Variants in ANAPC4 observed in about 807,000 individuals in gnomAD.
ANAPC4 encodes the protein anaphase promoting complex subunit 4, also known as anaphase-promoting complex subunit 4.
Under a neutral mutation model 119.8 loss-of-function variants are expected in ANAPC4, and 63 were observed. The ratio of observed to expected loss-of-function variants is 0.53; its 90% CI spans 0.43 to 0.65. The LOEUF (loss-of-function observed/expected upper bound fraction) is 0.65. Ranked by LOEUF, ANAPC4 falls within the 30% of genes least tolerant of loss-of-function variation. ANAPC4 has a pLI of 0.00. For missense variants in ANAPC4, 716 were observed against 945.1 expected (o/e 0.76, Z 3.18); for synonymous variants, 283 against 318.6 (o/e 0.89, Z 1.19).
rs1358911220 is a variant in ANAPC4 at position 25,390,932 on chromosome 4, TTA to T, written c.624_625del (p.Cys209PhefsTer4). The T allele has an allele frequency of 1.2e-6, 2 of 1,613,622 alleles. No homozygotes were observed. Among genetic ancestry groups the T allele is most frequent in the Non-Finnish European group, 8.5e-7 (1 of 1,179,618 alleles). ...VTGIAGTCLA[L>X]CLSSDLKSLS... is the part of the protein sequence containing the mutation. The stretch of plus-strand genomic sequence containing the variant: ...ACAGATTGCTGGTACTTGTCTTGCA[TTA>T]TGTTTATCAAGTGATTTGAAATCAT... On this transcript the variant is annotated frameshift_variant, in exon 9 of 29. Transcript: ENST00000315368. LOFTEE classifies it high-confidence loss of function.
chr4:25,410,071 A>AG (rs1395439452), intron 21 of ANAPC4, among the ~76,000 whole-genome samples: 1 of 152,206 alleles, frequency 6.6e-6, no homozygotes, highest in East Asian at 1.9e-4. Context: ...TAGGATTTTG[A>AG]GGGAAACTAT....
Position 25,377,345 on chromosome 4 carries a change from G to A in ANAPC4, c.-11+1G>A. Reference sequence around the variant, plus strand: ...AGTCTGCCGGTGGGGACTCTTGCAGGTACAGGCGCGGTCGGGGCTCCTCGT... The same window carrying A: ...AGTCTGCCGGTGGGGACTCTTGCAGATACAGGCGCGGTCGGGGCTCCTCGT... On this transcript the variant is annotated splice_donor_variant, in intron 1 of 28. Transcript: ENST00000315368. LOFTEE classifies it low-confidence loss of function (5UTR_SPLICE). The A allele has an allele frequency of 7.6e-6, 12 of 1,569,238 alleles. No individual in the cohort carries two copies. The highest frequency in any genetic ancestry group is 1.0e-5 in the Non-Finnish European group (12 of 1,157,590).
At chr4:25,401,014 A>G (rs1435554699) in intron 16 of ANAPC4, among the ~76,000 whole-genome samples, 1 of 152,012 alleles carries the variant, frequency 6.6e-6, no homozygotes, top group African/African-American at 2.4e-5. Context: ...ATTCTCTTCA[A>G]TTTCTTATTA....
At chr4:25,393,616 G>A (rs1476662992) in intron 10 of ANAPC4, among the ~76,000 whole-genome samples, 189 bp from the exon 11 acceptor site, 2 of 152,100 alleles carry the variant, frequency 1.3e-5, no homozygotes, top group Non-Finnish European at 2.9e-5. Flanking sequence ...GAGCCAAGAT[G>A]GCGTCACTGC....
intron 9 of ANAPC4, among the ~76,000 whole-genome samples, chr4:25,391,866 G>A (rs936173212): frequency 6.6e-6 from 1 of 152,216 alleles, no homozygotes; most frequent in Non-Finnish European, 1.5e-5. Flanking sequence ...TTAAGGTTAT[G>A]TGAAACTATG....
chr4:25,399,896 C>A (rs1465949138), intron 16 of ANAPC4, among the ~76,000 whole-genome samples: 1 of 152,150 alleles, frequency 6.6e-6, no homozygotes. Context: ...AGAGACAGAA[C>A]AACCAGAGGA....
chr4:25,407,245 G>A lies in ANAPC4; in HGVS notation c.1423G>A (p.Val475Ile), dbSNP rs1260646143. ...AGGAAAATACTTTAACGTTGAAAGAGTTGGTCAGGTATGGGCTTTGAACTC... is the reference window on the plus strand; with the variant it reads ...AGGAAAATACTTTAACGTTGAAAGAATTGGTCAGGTATGGGCTTTGAACTC... ...RKGKYFNVER[V>I]GQYLKDEDDD... The change falls in exon 20 of 29, where the codon GTT (valine) becomes ATT (isoleucine). Residue 475 changes from valine (V) to isoleucine (I), a missense_variant. Physicochemically the swap from Val to Ile is conservative, Grantham distance 29. Coordinates refer to ENST00000315368, the MANE Select transcript of ANAPC4 (RefSeq NM_013367.3). The A allele has an allele frequency of 1.2e-6, 2 of 1,608,344 alleles. No homozygotes were observed. The highest frequency in any genetic ancestry group is 1.7e-6 in the Non-Finnish European group (2 of 1,178,094).
chr4:25,391,831 T>C (rs945994543), intron 9 of ANAPC4, among the ~76,000 whole-genome samples: 2 of 152,254 alleles, frequency 1.3e-5, no homozygotes, highest in African/African-American at 4.8e-5. Context: ...ACTATGGTAA[T>C]GGTTGTTCAT....
At chr4:25,409,587 C>G in intron 20 of ANAPC4, 111 bp from the exon 21 acceptor site, 2 of 725,492 alleles carry the variant, frequency 2.8e-6, no homozygotes, top group Non-Finnish European at 4.5e-6. Flanking sequence ...ATTTTAGGCC[C>G]TAAGTCTTTG....
chr4:25,387,079 A>G (rs1322295315), intron 4 of ANAPC4, among the ~76,000 whole-genome samples: 2 of 152,090 alleles, frequency 1.3e-5, no homozygotes, highest in African/African-American at 4.8e-5. Flanking sequence ...AGTATGAAAA[A>G]TGCTAAGTTG....
intron 21 of ANAPC4, among the ~76,000 whole-genome samples, chr4:25,410,630 G>A (rs192881989): frequency 5.3e-5 from 8 of 152,266 alleles, no homozygotes; most frequent in Non-Finnish European, 1.2e-4. Flanking sequence ...TAGACTGGCA[G>A]TACAGGTTGA....
rs1722551357 is a variant in ANAPC4 at position 25,394,851 on chromosome 4, C to T, written c.1007C>T (p.Ser336Phe). The T allele has an allele frequency of 2.5e-6, 4 of 1,613,168 alleles. No individual in the cohort carries two copies. Among genetic ancestry groups the T allele is most frequent in the Non-Finnish European group, 3.4e-6 (4 of 1,179,690 alleles). ...TVKGLKKLGQ[S>F]IESSYSSIQK... is the part of the protein sequence containing the mutation. ...TAGGGCTTGAAAAAGCTTGGCCAGT[C>T]TATAGAGTCATCATACTCCAGTATA... The change falls in exon 14 of 29, where the codon TCT becomes TTT. Residue 336 changes from serine (S) to phenylalanine (F), a missense_variant. By Grantham distance (155) the Ser-to-Phe change is radical. Coordinates refer to ENST00000315368, the MANE Select transcript of ANAPC4 (RefSeq NM_013367.3).
chr4:25,407,608 G>GA (rs1047936279), intron 20 of ANAPC4, among the ~76,000 whole-genome samples: 16 of 143,802 alleles, frequency 1.1e-4, no homozygotes, highest in Admixed American at 4.8e-4. Flanking sequence ...TCTCAAAAAA[G>GA]AAAAAAAAAA....
chr4:25,395,326 C>G (rs1323956600), intron 14 of ANAPC4: 1 of 153,354 alleles, frequency 6.5e-6, no homozygotes, highest in African/African-American at 2.4e-5. Flanking sequence ...ATATGGCTGG[C>G]CCAAAGTTAC....
rs145426577 is a variant in ANAPC4 at position 25,381,431 on chromosome 4, C to T, written c.235+952C>T. On this transcript the variant is annotated intron_variant, in intron 3 of 28. Coordinates refer to ENST00000315368, the MANE Select transcript of ANAPC4 (RefSeq NM_013367.3). ...GTTCAAGCAATTCTTCTCCCTCAGCCTCCTGAGTAACTAAGACTACAGGCG... is the reference window on the plus strand; with the variant it reads ...GTTCAAGCAATTCTTCTCCCTCAGCTTCCTGAGTAACTAAGACTACAGGCG... Among the ~76,000 whole-genome samples the T allele has an allele frequency of 8.2e-3, 1,255 of 152,224 alleles. 21 individuals are homozygous for T. The highest frequency in any genetic ancestry group is 0.027 in the African/African-American group (1,129 of 41,518).
At chr4:25,389,159 A>ATT (rs113710613) in intron 7 of ANAPC4, among the ~76,000 whole-genome samples, 6,903 of 132,130 alleles carry the variant, frequency 0.052, 255 homozygotes, top group South Asian at 0.087. Flanking sequence ...CACCCAGCTA[A>ATT]TTTTTTTTTT....
chr4:25,417,777 C>T (rs761974483), intron 28 of ANAPC4, 38 bp downstream of exon 28: 2 of 1,578,722 alleles, frequency 1.3e-6, no homozygotes, highest in South Asian at 1.2e-5. Context: ...TAAGAAATTA[C>T]AAGAAGTAAC....
At chr4:25,383,000 T>C (rs1266440854) in intron 3 of ANAPC4, among the ~76,000 whole-genome samples, 1 of 152,234 alleles carries the variant, frequency 6.6e-6, no homozygotes, top group African/African-American at 2.4e-5. Context: ...AACTTTGATG[T>C]GTAAGACGTT....
At chr4:25,416,751 T>G in intron 27 of ANAPC4, 153 bp downstream of exon 27, 1 of 526,318 alleles carries the variant, frequency 1.9e-6, no homozygotes, top group Non-Finnish European at 3.0e-6. Flanking sequence ...AATTTTTCAT[T>G]CAAAATATGC....
Sources: allele counts gnomAD v4.1 joint callset (sites outside exome capture counted in the v4.1 genomes callset), GRCh38; gene constraint gnomAD v4.1.1; transcripts MANE v1.5; gene names NCBI Gene and HGNC (gene_info 2026-07-23, HGNC 2026-07-21).